The following MCF2L2 variants were observed in gnomAD, a reference collection of about 807,000 sequenced individuals.
The protein encoded by MCF2L2 is probable guanine nucleotide exchange factor MCF2L2.
MCF2L2 carries 102 observed loss-of-function variants against 150.2 expected under a neutral mutation model. The observed-to-expected ratio is 0.68, with a 90% confidence interval of 0.58 to 0.80. The LOEUF (loss-of-function observed/expected upper bound fraction) is 0.80, where lower values mean the gene tolerates loss of function less well. MCF2L2 is among the 30% of genes least tolerant of loss of function. The pLI is 0.00. For missense variants in MCF2L2, 1,256 were observed against 1,372.8 expected, an observed-to-expected ratio of 0.91 and a Z score of 1.34; for synonymous variants, 465 against 491.3, an observed-to-expected ratio of 0.95 and a Z score of 0.71.
chr3:183,329,897 A>G (rs1730197533), intron 5 of MCF2L2, among the ~76,000 whole-genome samples: 1 of 152,234 alleles, frequency 6.6e-6, no homozygotes, highest in Admixed American at 6.5e-5. Flanking sequence ...CATTGTAGGC[A>G]AGTATAACAC....
chr3:183,300,519 G>A (rs73066036), intron 10 of MCF2L2, among the ~76,000 whole-genome samples: 11,668 of 152,092 alleles, frequency 0.077, 1,124 homozygotes, highest in African/African-American at 0.23. Flanking sequence ...TACACAAATC[G>A]TTAAATTATT....
chr3:183,379,894 T>C (rs544904841), intron 2 of MCF2L2, among the ~76,000 whole-genome samples: 1 of 151,698 alleles, frequency 6.6e-6, no homozygotes, highest in South Asian at 2.1e-4. Flanking sequence ...TATGTATGTA[T>C]ATATATAGAT....
At chr3:183,322,905 T>G (rs1009924796) in intron 6 of MCF2L2, among the ~76,000 whole-genome samples, 7 of 152,162 alleles carry the variant, frequency 4.6e-5, no homozygotes, top group Non-Finnish European at 1.5e-5. Context: ...GGTGTGTTAA[T>G]GTCTAAGACC....
chr3:183,400,536 C>T (rs929835778), intron 1 of MCF2L2: 1 of 453,708 alleles, frequency 2.2e-6, no homozygotes, highest in African/African-American at 2.0e-5. Context: ...CTCCATTTCT[C>T]TCTAGGCACT....
intron 5 of MCF2L2, among the ~76,000 whole-genome samples, chr3:183,337,892 G>T (rs1730550577): frequency 6.6e-6 from 1 of 152,150 alleles, no homozygotes; most frequent in Non-Finnish European, 1.5e-5. Context: ...ATTCCTACCA[G>T]TGAAATATAA....
At chr3:183,390,895 TCAAAACAAAA>T (rs373647290) in intron 1 of MCF2L2, among the ~76,000 whole-genome samples, 3 of 152,186 alleles carry the variant, frequency 2.0e-5, no homozygotes, top group East Asian at 1.9e-4. Context: ...AGACCCTGTC[TCAAAACAAAA>T]CAAAACAAAA....
In MCF2L2 at chr3:183,188,485, G is replaced by T. The variant is rs7610799; in HGVS notation, c.3016+4514C>A. Among the ~76,000 whole-genome samples the T allele has an allele frequency of 3.2e-3, 482 of 152,262 alleles. 2 individuals are homozygous for T. Among genetic ancestry groups the T allele is most frequent in the African/African-American group, 0.01 (435 of 41,560 alleles). On this transcript the variant is annotated intron_variant, in intron 27 of 29. Transcript: ENST00000328913. ...CCATAATACAGCCATTGGTTCAGTTGTATGCTGCATCCTGAGGGACAGCAC... is the reference window on the plus strand; with the variant it reads ...CCATAATACAGCCATTGGTTCAGTTTTATGCTGCATCCTGAGGGACAGCAC...
intron 15 of MCF2L2, among the ~76,000 whole-genome samples, chr3:183,250,167 TC>T (rs1724450504): frequency 1.3e-5 from 2 of 152,336 alleles, no homozygotes; most frequent in South Asian, 4.1e-4. Flanking sequence ...GGCATTCAAG[TC>T]CTGTCCATTA....
chr3:183,325,875 G>C (rs1730004322), intron 5 of MCF2L2, among the ~76,000 whole-genome samples: 1 of 152,148 alleles, frequency 6.6e-6, no homozygotes, highest in African/African-American at 2.4e-5. Context: ...GATTATATTA[G>C]AAGAGTTAAT....
chr3:183,406,128 T>C (rs1000393938), intron 1 of MCF2L2, among the ~76,000 whole-genome samples: 4 of 152,236 alleles, frequency 2.6e-5, no homozygotes, highest in Non-Finnish European at 5.9e-5. Context: ...CTGAGTCGTA[T>C]ATTAAATGTA....
At chr3:183,388,376 G>A (rs1713951466) in intron 2 of MCF2L2, among the ~76,000 whole-genome samples, 1 of 151,914 alleles carries the variant, frequency 6.6e-6, no homozygotes, top group Admixed American at 6.6e-5. Context: ...GGAACCCAGA[G>A]AACAGACCCC....
intron 1 of MCF2L2, among the ~76,000 whole-genome samples, chr3:183,409,874 G>T (rs1307980153): frequency 6.7e-6 from 1 of 150,292 alleles, no homozygotes; most frequent in Non-Finnish European, 1.5e-5. Flanking sequence ...CATTTTAAAT[G>T]TTATTTCCAT....
At chr3:183,223,480 A>C in intron 19 of MCF2L2, 42 bp from the exon 20 acceptor site, 1 of 1,419,778 alleles carries the variant, frequency 7.0e-7, no homozygotes, top group Non-Finnish European at 1.0e-6. Context: ...AAAACAAACA[A>C]CACACACAGA....
rs80113505 is a variant in MCF2L2, at chr3:183,313,411, A to G, written c.754-1639T>C. Among the ~76,000 whole-genome samples the G allele has an allele frequency of 7.1e-3, 1,082 of 152,328 alleles. 10 individuals are homozygous for G. Among genetic ancestry groups the G allele is most frequent in the African/African-American group, 0.025 (1,032 of 41,574 alleles). On this transcript the variant is annotated intron_variant, in intron 7 of 29. Coordinates refer to ENST00000328913, the MANE Select transcript of MCF2L2 (RefSeq NM_015078.4). ...CATGAATGAGGAAAGTGTGTGAGAC[A>G]GGGAAGGTGAATCTTCACAAGTGAT...
At position 183,318,192 on chromosome 3, in the gene MCF2L2, A is replaced by G; in HGVS notation, c.629T>C (p.Leu210Ser). 1.9e-6 allele frequency: 3 copies of G among 1,614,204 alleles called. No homozygotes were observed. The highest frequency in any genetic ancestry group is 2.5e-6 in the Non-Finnish European group (3 of 1,180,038). The change falls in exon 7 of 30, where the codon TTG (leucine) becomes TCG (serine). Residue 210 changes from leucine (L) to serine (S), a missense_variant. Physicochemically the swap from Leu to Ser is moderately radical, Grantham distance 145. Transcript: ENST00000328913. Reference protein sequence around the residue: ...RTAIENFALTLKTTAQMLQTF... With the variant: ...RTAIENFALTSKTTAQMLQTF... ...CTGCAGCATCTGGGCAGTGGTCTTC[A>G]AGGTCAAGGCAAAGTTTTCGATGGC...
intron 3 of MCF2L2, among the ~76,000 whole-genome samples, chr3:183,362,378 C>T (rs538722050): frequency 1.3e-5 from 2 of 152,252 alleles, no homozygotes; most frequent in Admixed American, 1.3e-4. Context: ...GCTGAGATTA[C>T]AGGCGTGAGC....
chr3:183,231,345 C>T (rs1576943146), intron 15 of MCF2L2: 1 of 481,274 alleles, frequency 2.1e-6, no homozygotes. Flanking sequence ...AATACCAGGT[C>T]TGGATCCTTA....
Position 183,193,357 on chromosome 3 carries a change from C to CT in MCF2L2, c.2919-262dup, listed in dbSNP as rs765523814. On this transcript the variant is annotated intron_variant, in intron 26 of 29. Coordinates refer to ENST00000328913, the MANE Select transcript of MCF2L2 (RefSeq NM_015078.4). ...TGCAAATCTTTTTTTCTTTTTCTTT[C>CT]TTTTTTTTTTTGAGACAGAGTCTCG... Among the ~76,000 whole-genome samples, 100 of 139,458 alleles carry CT rather than the reference C, an allele frequency of 7.2e-4. 1 individual carries two copies. The highest frequency in any genetic ancestry group is 1.6e-3 in the African/African-American group (56 of 35,490). The allele number at this position is 139,458 out of a possible 152,430, so 91.5% of individuals were successfully genotyped here.
Position 183,318,167 on chromosome 3 carries a change from C to T in MCF2L2, c.654G>A (p.Gln218=), listed in dbSNP as rs761996313. 5.0e-6 allele frequency: 8 copies of T among 1,614,218 alleles called. No individual in the cohort carries two copies. Among genetic ancestry groups the T allele is most frequent in the Non-Finnish European group, 8.5e-7 (1 of 1,180,034 alleles). Residue 218 remains glutamine (Q), a synonymous_variant, in exon 7 of 30, where the codon CAG becomes CAA. Coordinates refer to ENST00000328913, the MANE Select transcript of MCF2L2 (RefSeq NM_015078.4). ...CTGTGGCCAGGCAGGACCCAAACGT[C>T]TGCAGCATCTGGGCAGTGGTCTTCA... ...LTLKTTAQML[Q]TFGSCLATAE...
Sources: allele counts gnomAD v4.1 joint callset (sites outside exome capture counted in the v4.1 genomes callset), GRCh38; gene constraint gnomAD v4.1.1; transcripts MANE v1.5; gene names NCBI Gene and HGNC (gene_info 2026-07-23, HGNC 2026-07-21).